Variants in OC90 observed in about 807,000 individuals in gnomAD.
The protein encoded by OC90 is otoconin-90.
A neutral mutation model predicts 47.3 loss-of-function variants in OC90; 46 were observed. The observed-to-expected ratio is 0.97, with a 90% confidence interval of 0.77 to 1.24. The LOEUF (loss-of-function observed/expected upper bound fraction) is 1.24, where lower values mean the gene tolerates loss of function less well. OC90 is among the 50% of genes most tolerant of loss of function. The probability of loss-of-function intolerance (pLI) is 0.00; values close to 1 mark genes in which losing one functional copy is unlikely to be tolerated. For synonymous variants in OC90, 271 were observed against 219.5 expected, an observed-to-expected ratio of 1.23 and a Z score of -2.07; for missense variants, 688 against 583.9, an observed-to-expected ratio of 1.18 and a Z score of -1.84.
At chr8:132,056,283 T>C (rs1327830648) in intron 1 of OC90, among the ~76,000 whole-genome samples, 1 of 152,162 alleles carries the variant, frequency 6.6e-6, no homozygotes, top group Non-Finnish European at 1.5e-5. Flanking sequence ...TCTGGTGGTC[T>C]TGCATATGTA....
chr8:132,039,058 G>A lies in OC90; in HGVS notation c.523C>T (p.Arg175Ter), dbSNP rs1301258089. ...TTCAGGGAAGAGTTGAGGCTGGATCGAGCCAAGCACTCTATGGCAGCCTTA... is the reference window on the plus strand; with the variant it reads ...TTCAGGGAAGAGTTGAGGCTGGATCAAGCCAAGCACTCTATGGCAGCCTTA... ...CDKAAIECLARSSLNSSLNLL... is the reference protein window; with the variant it reads ...CDKAAIECLA The change falls in exon 7 of 14, where the codon CGA becomes TGA. Residue 175 changes from arginine (R) to a stop codon, truncating the protein, a stop_gained. Transcript: ENST00000254627. LOFTEE classifies it high-confidence loss of function. 3 of 1,613,686 alleles carry A rather than the reference G, an allele frequency of 1.9e-6. No homozygotes were observed. The highest frequency in any genetic ancestry group is 1.7e-5 in the Admixed American group (1 of 59,996).
Position 132,029,128 on chromosome 8 carries a change from G to A in OC90, c.1083C>T (p.Cys361=), listed in dbSNP as rs1822834458. 7.4e-6 allele frequency: 12 copies of A among 1,613,720 alleles called. No individual in the cohort carries two copies. The highest frequency in any genetic ancestry group is 8.5e-6 in the Non-Finnish European group (10 of 1,179,842). ...GTGACCAAGGAAGCCTCTCAAGCAG[G>A]CAGCCCAGCCTTCTCACTTGCTCTA... ...CCLEQVRRLG[C]LLERLPWSPV... The change falls in exon 13 of 14, where the codon TGC becomes TGT. Residue 361 remains cysteine, a synonymous_variant. Coordinates refer to ENST00000254627, the MANE Select transcript of OC90 (RefSeq NM_001080399.3).
chr8:132,041,265 T>C (rs944504096), intron 5 of OC90, 109 bp from the exon 6 acceptor site: 7 of 738,682 alleles, frequency 9.5e-6, no homozygotes, highest in South Asian at 3.2e-5. Context: ...AGTGGTCTAT[T>C]TTAAATATTC....
At chr8:132,055,545 G>A (rs188095763) in intron 1 of OC90, among the ~76,000 whole-genome samples, 7 of 152,342 alleles carry the variant, frequency 4.6e-5, no homozygotes, top group African/African-American at 1.7e-4. Context: ...GATATACCCA[G>A]CATTCCCAAT....
chr8:132,039,067 A>G lies in OC90; in HGVS notation c.514T>C (p.Cys172Arg), dbSNP rs184875822. Reference sequence around the variant, plus strand: ...GAGTTGAGGCTGGATCGAGCCAAGCACTCTATGGCAGCCTTATCACAGGTA... The same window carrying G: ...GAGTTGAGGCTGGATCGAGCCAAGCGCTCTATGGCAGCCTTATCACAGGTA... ...LCTCDKAAIE[C>R]LARSSLNSSL... Residue 172 changes from cysteine to arginine, a missense_variant, in exon 7 of 14, where the codon TGC becomes CGC. By Grantham distance (180) the Cys-to-Arg change is radical. Transcript: ENST00000254627. 6.2e-7 allele frequency: 1 copy of G among 1,613,508 alleles called. No individual in the cohort carries two copies. Among genetic ancestry groups the G allele is most frequent in the East Asian group, 2.2e-5 (1 of 44,854 alleles).
rs1051161700 is a variant in OC90, at chr8:132,024,587, T to C, written c.1328A>G (p.Glu443Gly). 1.2e-6 allele frequency: 2 copies of C among 1,613,592 alleles called. No homozygotes were observed. The highest frequency in any genetic ancestry group is 1.7e-6 in the Non-Finnish European group (2 of 1,179,704). ...TGGAGGGTCCTCCTCGCTGTCCTCC[T>C]CAGAGCTGGAGCCCAGGGTGGGGGC... The part of the protein sequence containing the change: ...PAAPTLGSSS[E>G]EDSEEDPPQE... Residue 443 changes from glutamate to glycine, a missense_variant, in exon 14 of 14, where the codon GAG becomes GGG. Physicochemically the swap from Glu to Gly is moderately conservative, Grantham distance 98. Coordinates refer to ENST00000254627, the MANE Select transcript of OC90 (RefSeq NM_001080399.3).
intron 8 of OC90, 93 bp downstream of exon 8, chr8:132,038,697 T>G: frequency 1.0e-6 from 1 of 971,570 alleles, no homozygotes. Flanking sequence ...CCAGCTCCAG[T>G]GAGGCAGGCC....
At chr8:132,049,664 C>A in intron 2 of OC90, 1 of 326,426 alleles carries the variant, frequency 3.1e-6, no homozygotes, top group Non-Finnish European at 6.5e-6. Context: ...CAATTAATAG[C>A]CTGACATACC....
At chr8:132,044,900 C>A (rs557676659) in intron 3 of OC90, among the ~76,000 whole-genome samples, 1 of 152,312 alleles carries the variant, frequency 6.6e-6, no homozygotes. Flanking sequence ...GAGAATGAAG[C>A]TTCTAAGCCG....
intron 2 of OC90, among the ~76,000 whole-genome samples, chr8:132,052,687 G>A (rs1586716728): frequency 6.6e-6 from 1 of 152,310 alleles, no homozygotes; most frequent in East Asian, 1.9e-4. Context: ...CATGGTCAGA[G>A]GGAATGTAAG....
chr8:132,044,433 CA>C lies in OC90; in HGVS notation c.168del (p.Phe56LeufsTer21). The C allele has an allele frequency of 1.3e-6, 2 of 1,532,480 alleles. No individual in the cohort carries two copies. Among genetic ancestry groups the C allele is most frequent in the South Asian group, 1.2e-5 (1 of 84,306 alleles). The allele number at this position is 1,532,480 out of a possible 1,614,324, so 94.9% of individuals were successfully genotyped here. ...AAAAGCAATTTTAGACTTAACTTAC[CA>C]AAAATTTCAGCCACACTTTCCACAT... The part of the protein sequence containing the change: ...FKNVESVAEI[F>X]DCLGPHFTWL... On this transcript the variant is annotated frameshift_variant and splice_region_variant, in exon 4 of 14. Coordinates refer to ENST00000254627, the MANE Select transcript of OC90 (RefSeq NM_001080399.3). LOFTEE classifies it high-confidence loss of function.
At chr8:132,028,450 C>A (rs11777785) in intron 13 of OC90, among the ~76,000 whole-genome samples, 7 of 150,698 alleles carry the variant, frequency 4.6e-5, no homozygotes, top group South Asian at 2.1e-4. Flanking sequence ...TGCAGTGAGC[C>A]AAGATTGTAC....
chr8:132,024,805 ATGAGACCTC>A, intron 13 of OC90, 29 bp from the exon 14 acceptor site: 1 of 1,585,148 alleles, frequency 6.3e-7, no homozygotes, highest in Non-Finnish European at 8.6e-7. Context: ...AGTAGAAGCC[ATGAGACCTC>A]TGAGGATGGC....
chr8:132,029,452 T>C (rs1372581411), intron 12 of OC90, among the ~76,000 whole-genome samples: 3 of 152,242 alleles, frequency 2.0e-5, no homozygotes, highest in Admixed American at 1.3e-4. Context: ...TTATTGTAAC[T>C]GTTCATGGCA....
At chr8:132,039,621 C>T (rs1372461975) in intron 6 of OC90, among the ~76,000 whole-genome samples, 2 of 152,160 alleles carry the variant, frequency 1.3e-5, no homozygotes, top group Admixed American at 6.5e-5. Context: ...CACATGATTG[C>T]TCCCCTGACC....
rs561475307 is a variant in OC90, at chr8:132,034,704, T to C, written c.733+77A>G. On this transcript the variant is annotated intron_variant, in intron 10 of 13. Coordinates refer to ENST00000254627, the MANE Select transcript of OC90 (RefSeq NM_001080399.3). The stretch of plus-strand genomic sequence containing the variant: ...ATGGTGCATTTCATTTGGAACCCAG[T>C]TGATATCATAAATGTGTCAAGGACA... 648 of 987,140 alleles carry C rather than the reference T, an allele frequency of 6.6e-4. 1 individual carries two copies. The highest frequency in any genetic ancestry group is 9.5e-4 in the Non-Finnish European group (612 of 642,766). The allele number at this position is 987,140 out of a possible 1,614,324, so 61.1% of individuals were successfully genotyped here. A position where few individuals can be genotyped will look rare whatever the true frequency, so the allele number is the denominator to read the frequency against.
At position 132,046,658 on chromosome 8, in the gene OC90, T is replaced by C. The variant is rs1408260278; in HGVS notation, c.47-775A>G. On this transcript the variant is annotated intron_variant, in intron 2 of 13. Transcript: ENST00000254627. ...GCTCTCTAAAAGTTCAGAGAGCTTA[T>C]AGACTTGTTCCTGCTCATATTTTTC... is the stretch of plus-strand genomic sequence containing the variant. Among the ~76,000 whole-genome samples, 5 of 152,342 alleles carry C rather than the reference T, an allele frequency of 3.3e-5. 1 individual carries two copies. In the South Asian group the frequency reaches 6.2e-4, roughly 19 times the overall value.
chr8:132,043,485 A>G (rs1823084133), intron 4 of OC90, among the ~76,000 whole-genome samples: 1 of 152,228 alleles, frequency 6.6e-6, no homozygotes, highest in Non-Finnish European at 1.5e-5. Context: ...TTCCAACTCT[A>G]AATCTCGCAT....
At chr8:132,035,878 T>G (rs1002032546) in intron 9 of OC90, among the ~76,000 whole-genome samples, 2 of 152,200 alleles carry the variant, frequency 1.3e-5, no homozygotes, top group Non-Finnish European at 2.9e-5. Context: ...GTAAGGGGCT[T>G]GGGAATGATA....
Sources: allele counts gnomAD v4.1 joint callset (sites outside exome capture counted in the v4.1 genomes callset), GRCh38; gene constraint gnomAD v4.1.1; transcripts MANE v1.5; gene names NCBI Gene and HGNC (gene_info 2026-07-23, HGNC 2026-07-21).